The following WDR12 variants were observed in gnomAD, a reference collection of about 807,000 sequenced individuals.
WDR12 encodes the protein ribosome biogenesis protein WDR12.
Under a neutral mutation model 64.3 loss-of-function variants are expected in WDR12, and 42 were observed. The ratio of observed to expected loss-of-function variants is 0.65; its 90% CI spans 0.51 to 0.84. The LOEUF (loss-of-function observed/expected upper bound fraction) is 0.84, where lower values mean the gene tolerates loss of function less well. WDR12 is among the 40% of genes least tolerant of loss of function. The pLI is 0.00. For missense variants in WDR12, 469 were observed against 494.6 expected, an observed-to-expected ratio of 0.95 and a Z score of 0.49; for synonymous variants, 158 against 173.3, an observed-to-expected ratio of 0.91 and a Z score of 0.70.
At chr2:202,895,970 C>A in intron 6 of WDR12, 95 bp downstream of exon 6, 1 of 1,409,302 alleles carries the variant, frequency 7.1e-7, no homozygotes, top group Non-Finnish European at 9.6e-7. Flanking sequence ...TGTTAGGAAA[C>A]TAGGCCAACA....
At chr2:202,900,941 AT>A in intron 3 of WDR12, 83 bp downstream of exon 3, 1 of 1,082,854 alleles carries the variant, frequency 9.2e-7, no homozygotes, top group Non-Finnish European at 1.4e-6. Context: ...CTAAAGATAG[AT>A]TCAGTGTGAT....
intron 1 of WDR12, among the ~76,000 whole-genome samples, chr2:202,908,230 G>A (rs72936835): frequency 1.1e-3 from 171 of 152,278 alleles, no homozygotes; most frequent in Middle Eastern, 3.4e-3. Flanking sequence ...TTTAACCACA[G>A]AAAAGGAGGG....
At chr2:202,903,378 GATAAGGA>G (rs1376038590) in intron 2 of WDR12, among the ~76,000 whole-genome samples, 1 of 151,690 alleles carries the variant, frequency 6.6e-6, no homozygotes, top group East Asian at 1.9e-4. Flanking sequence ...TCTGGAACAT[GATAAGGA>G]TGCCCACTTT....
chr2:202,895,347 A>C (rs994254752), intron 6 of WDR12, among the ~76,000 whole-genome samples: 5 of 152,198 alleles, frequency 3.3e-5, no homozygotes, highest in Admixed American at 6.5e-5. Flanking sequence ...TTGATACTAT[A>C]GTAAAACTCT....
intron 2 of WDR12, among the ~76,000 whole-genome samples, chr2:202,905,643 A>G (rs902515322): frequency 4.6e-5 from 7 of 152,264 alleles, no homozygotes; most frequent in Non-Finnish European, 7.3e-5. Context: ...AAAAGTAGAG[A>G]AATCAGGAAA....
At chr2:202,882,588 A>G (rs1687974467) in intron 12 of WDR12, 123 bp downstream of exon 12, 1 of 927,752 alleles carries the variant, frequency 1.1e-6, no homozygotes, top group Non-Finnish European at 1.7e-6. Context: ...TTGGCCTCCC[A>G]AAGTGCTGCG....
At chr2:202,895,653 G>A (rs1344516134) in intron 6 of WDR12, among the ~76,000 whole-genome samples, 2 of 149,158 alleles carry the variant, frequency 1.3e-5, no homozygotes, top group Non-Finnish European at 3.0e-5. Context: ...CTCCCGAGTA[G>A]CTGGGATTAC....
At chr2:202,899,442 C>A in intron 4 of WDR12, 89 bp downstream of exon 4, 3 of 1,115,398 alleles carry the variant, frequency 2.7e-6, no homozygotes, top group South Asian at 1.6e-5. Flanking sequence ...AACATTAAAT[C>A]ACAGAAAAAT....
At position 202,879,756 on chromosome 2, in the gene WDR12, T is replaced by C. The variant is rs1687918140; in HGVS notation, c.*1104A>G. ...CGAATCAATATTTTGTTATCGTTGTTGTTGAGACAGAGTCTTGCACTGTCA... is the reference window on the plus strand; with the variant it reads ...CGAATCAATATTTTGTTATCGTTGTCGTTGAGACAGAGTCTTGCACTGTCA... On this transcript the variant is annotated 3_prime_UTR_variant, in exon 13 of 13. Transcript: ENST00000261015. The C allele has an allele frequency of 6.6e-6, 1 of 150,646 alleles. No homozygotes were observed. The highest frequency in any genetic ancestry group is 2.5e-5 in the African/African-American group (1 of 40,750). 9.3% of individuals were successfully genotyped at this position (150,646 alleles called of 1,614,324 possible).
chr2:202,911,592 A>G lies in WDR12; in HGVS notation c.-116T>C, dbSNP rs531377792. On this transcript the variant is annotated 5_prime_UTR_variant, in exon 1 of 13. Transcript: ENST00000261015. ...AGCTCAAAATTAGACTGCACAGGTA[A>G]GCGAGGAACTGCAGTCTAAGCCTGG... 65 of 932,230 alleles carry G rather than the reference A, an allele frequency of 7.0e-5. 1 individual carries two copies. In the African/African-American group the frequency reaches 8.2e-4, roughly 12 times the overall value. 57.7% of individuals were successfully genotyped at this position (932,230 alleles called of 1,614,324 possible).
At chr2:202,889,632 C>CA (rs531776460) in intron 8 of WDR12, among the ~76,000 whole-genome samples, 77 of 151,450 alleles carry the variant, frequency 5.1e-4, no homozygotes, top group African/African-American at 1.8e-3. Flanking sequence ...TGTGGAGTAA[C>CA]AGCCAGGCAT....
chr2:202,907,497 A>G (rs1449660103), intron 2 of WDR12, among the ~76,000 whole-genome samples: 1 of 152,100 alleles, frequency 6.6e-6, no homozygotes, highest in Non-Finnish European at 1.5e-5. Flanking sequence ...TTTGTGCTTC[A>G]CTAGTAAATG....
rs371872615 is a variant in WDR12, at chr2:202,880,818, C to T, written c.*42G>A. ...TAATTTCATGGTTCTCTACCAATTTCATTTACAGAAATAATCTCTATAGTC... is the reference window on the plus strand; with the variant it reads ...TAATTTCATGGTTCTCTACCAATTTTATTTACAGAAATAATCTCTATAGTC... On this transcript the variant is annotated 3_prime_UTR_variant, in exon 13 of 13. Coordinates refer to ENST00000261015, the MANE Select transcript of WDR12 (RefSeq NM_018256.4). 2 of 1,561,484 alleles carry T rather than the reference C, an allele frequency of 1.3e-6. No homozygotes were observed. The highest frequency in any genetic ancestry group is 1.7e-6 in the Non-Finnish European group (2 of 1,145,880).
In WDR12 at chr2:202,881,897, A is replaced by G. The variant is rs147609301; in HGVS notation, c.1194+814T>C. 3.3e-3 allele frequency among the ~76,000 whole-genome samples: 500 copies of G among 152,172 alleles called. 1 individual carries two copies. The highest frequency in any genetic ancestry group is 0.012 in the African/African-American group (483 of 41,520). ...CAACAAAAAACCCACTATACTCACA[A>G]GAAAAAAAAATGCTCCAAAATTTCA... On this transcript the variant is annotated intron_variant, in intron 12 of 12. Coordinates refer to ENST00000261015, the MANE Select transcript of WDR12 (RefSeq NM_018256.4).
chr2:202,882,863 G>T, intron 11 of WDR12, 80 bp from the exon 12 acceptor site: 2 of 1,461,734 alleles, frequency 1.4e-6, no homozygotes, highest in Non-Finnish European at 1.9e-6. Flanking sequence ...ATACTTATCT[G>T]AAAACTTTAC....
intron 2 of WDR12, among the ~76,000 whole-genome samples, chr2:202,906,602 ACATGTAATCCCAG>A (rs1688460581): frequency 6.6e-6 from 1 of 152,142 alleles, no homozygotes; most frequent in South Asian, 2.1e-4. Flanking sequence ...GGTGGCTCAC[ACATGTAATCCCAG>A]CACTTTGGGA....
chr2:202,878,267 A>C lies in WDR12; in HGVS notation c.*2593T>G, dbSNP rs1035219770. ...TAACCATCTAGTTTATACAGACTAC[A>C]TTCGGTCAGCCTAGGTTGGGTGAGT... On this transcript the variant is annotated 3_prime_UTR_variant, in exon 13 of 13. Coordinates refer to ENST00000261015, the MANE Select transcript of WDR12 (RefSeq NM_018256.4). 8 of 152,198 alleles carry C rather than the reference A, an allele frequency of 5.3e-5. No homozygotes were observed. The highest frequency in any genetic ancestry group is 1.9e-4 in the African/African-American group (8 of 41,446). 9.4% of individuals were successfully genotyped at this position (152,198 alleles called of 1,614,324 possible).
intron 2 of WDR12, among the ~76,000 whole-genome samples, chr2:202,903,038 C>T (rs1688377844): frequency 6.6e-6 from 1 of 152,060 alleles, no homozygotes; most frequent in South Asian, 2.1e-4. Flanking sequence ...GAGATCGTGC[C>T]ACTGCACTCC....
chr2:202,892,992 T>C (rs1013889820), intron 7 of WDR12, among the ~76,000 whole-genome samples: 5 of 152,176 alleles, frequency 3.3e-5, no homozygotes, highest in Admixed American at 1.3e-4. Context: ...CATTTTATCA[T>C]AGCTATGAAA....
Sources: gnomAD v4.1 joint callset for allele counts (sites outside exome capture counted in the v4.1 genomes callset) on GRCh38, gnomAD v4.1.1 for gene constraint, MANE v1.5 for transcripts, NCBI Gene and HGNC (gene_info 2026-07-23, HGNC 2026-07-21) for gene names.